Variants in SHPRH observed in about 807,000 individuals in gnomAD.
SHPRH encodes the protein SNF2 histone linker PHD RING helicase, also known as E3 ubiquitin-protein ligase SHPRH.
A neutral mutation model predicts 202.5 loss-of-function variants in SHPRH; 106 were observed. The ratio of observed to expected loss-of-function variants is 0.52; its 90% CI spans 0.45 to 0.62. The LOEUF (loss-of-function observed/expected upper bound fraction) is 0.62, where lower values mean the gene tolerates loss of function less well. Among genes scored for constraint, SHPRH ranks in the 20% least tolerant of loss-of-function variants. The probability of loss-of-function intolerance (pLI) is 0.00; values close to 1 mark genes in which losing one functional copy is unlikely to be tolerated. For missense variants in SHPRH, 1,710 were observed against 2,020.0 expected, an observed-to-expected ratio of 0.85 and a Z score of 2.94; for synonymous variants, 729 against 686.0, an observed-to-expected ratio of 1.06 and a Z score of -0.98.
Position 145,901,199 on chromosome 6 carries a change from C to T in SHPRH, c.4516-6222G>A, listed in dbSNP as rs181710012. 1.7e-3 allele frequency among the ~76,000 whole-genome samples: 259 copies of T among 152,100 alleles called. 2 individuals carry two copies. The highest frequency in any genetic ancestry group is 1.1e-3 in the Non-Finnish European group (76 of 67,992). ...TCTCCAAATACATAACACTCTAACG[C>T]GTGTTGCAGAATATGGAGAAAAACA... On this transcript the variant is annotated intron_variant, in intron 25 of 29. Transcript: ENST00000275233.
At chr6:145,910,991 G>A (rs1783441586) in intron 24 of SHPRH, among the ~76,000 whole-genome samples, 1 of 152,008 alleles carries the variant, frequency 6.6e-6, no homozygotes, top group South Asian at 2.1e-4. Flanking sequence ...TACTCGATAT[G>A]TTCCATTTAA....
intron 13 of SHPRH, among the ~76,000 whole-genome samples, chr6:145,934,394 A>AGGC (rs1219033944): frequency 6.7e-6 from 1 of 148,698 alleles, no homozygotes; most frequent in African/African-American, 2.5e-5. Flanking sequence ...GGAACCCAGG[A>AGGC]GGCAGAGATT....
intron 21 of SHPRH, among the ~76,000 whole-genome samples, chr6:145,920,771 A>G (rs1443756069): frequency 6.6e-6 from 1 of 152,122 alleles, no homozygotes; most frequent in African/African-American, 2.4e-5. Context: ...CCAAACTTAT[A>G]GGATAAGAAG....
chr6:145,919,621 A>G, intron 21 of SHPRH, 130 bp from the exon 22 acceptor site: 1 of 1,033,084 alleles, frequency 9.7e-7, no homozygotes, highest in Non-Finnish European at 1.4e-6. Flanking sequence ...CTAACGTACA[A>G]GTAGTTCCTG....
At chr6:145,897,232 T>C (rs1251843288) in intron 25 of SHPRH, among the ~76,000 whole-genome samples, 1 of 151,866 alleles carries the variant, frequency 6.6e-6, no homozygotes, top group Non-Finnish European at 1.5e-5. Context: ...ACCACAGAAA[T>C]ACAGAGAATC....
At chr6:145,927,669 A>C (rs1284079984) in intron 14 of SHPRH, among the ~76,000 whole-genome samples, 1 of 151,850 alleles carries the variant, frequency 6.6e-6, no homozygotes, top group Non-Finnish European at 1.5e-5. Context: ...TTAAGGATAA[A>C]CTTAAGGTAA....
Position 145,935,017 on chromosome 6 carries a change from G to A in SHPRH, c.2880C>T (p.Ser960=). ...AGGTGACAGTCCTTCTGTCTAGGCT[G>A]CTGAGCTTCAGAGCCCAGTCAGAAA... The part of the protein sequence containing the change: ...RKISDWALKL[S]SLDRRTVTSI... The change falls in exon 13 of 30, where the codon AGC becomes AGT. Residue 960 remains serine, a synonymous_variant. Coordinates refer to ENST00000275233, the MANE Select transcript of SHPRH (RefSeq NM_001042683.3). 2 of 1,614,010 alleles carry A rather than the reference G, an allele frequency of 1.2e-6. No individual in the cohort carries two copies. The highest frequency in any genetic ancestry group is 1.7e-6 in the Non-Finnish European group (2 of 1,179,998).
At chr6:145,909,009 T>C (rs1783233051) in intron 25 of SHPRH, 1 of 152,180 alleles carries the variant, frequency 6.6e-6, no homozygotes, top group African/African-American at 2.4e-5. Context: ...AATAGGATCC[T>C]TTCCCCATTG....
rs757308341 is a variant in SHPRH, at chr6:145,927,196, G to C, written c.3194C>G (p.Ser1065Ter). 6.2e-7 allele frequency: 1 copy of C among 1,611,428 alleles called. No individual in the cohort carries two copies. The highest frequency in any genetic ancestry group is 1.1e-5 in the South Asian group (1 of 90,982). The change falls in exon 15 of 30, where the codon TCA becomes TGA. Residue 1065 changes from serine (S) to a stop codon, truncating the protein, a stop_gained. Transcript: ENST00000275233. LOFTEE classifies it high-confidence loss of function. The stretch of plus-strand genomic sequence containing the variant: ...TGTTTAGTCTTTACTTACTTGAAGT[G>C]AATCAGTTTTGAGTTTTCCTTTGTG... ...EEHKGKLKTD[S>*]LQRLHATHNL...
intron 13 of SHPRH, among the ~76,000 whole-genome samples, chr6:145,934,332 G>A (rs192142683): frequency 8.9e-4 from 136 of 152,092 alleles, no homozygotes; most frequent in Admixed American, 1.7e-3. Context: ...CAGGCTTGGT[G>A]GCACATGTCT....
chr6:145,925,760 G>A (rs1364088437), intron 16 of SHPRH, among the ~76,000 whole-genome samples: 3 of 151,728 alleles, frequency 2.0e-5, no homozygotes, highest in Non-Finnish European at 4.4e-5. Context: ...AAAAAGAGGC[G>A]ACACTTTTTG....
At chr6:145,873,000 A>G (rs1780123130) in intron 2 of SHPRH, among the ~76,000 whole-genome samples, 1 of 152,198 alleles carries the variant, frequency 6.6e-6, no homozygotes, top group South Asian at 2.1e-4. Context: ...ACATGGACAC[A>G]TGGCGGGGAA....
chr6:145,867,841 C>T (rs543331019), intron 2 of SHPRH, among the ~76,000 whole-genome samples: 3 of 151,746 alleles, frequency 2.0e-5, no homozygotes, highest in South Asian at 2.1e-4. Flanking sequence ...TTAATTCCTG[C>T]GGTTCTAAGC....
At position 145,946,238 on chromosome 6, in the gene SHPRH, C is replaced by T; in HGVS notation, c.1316G>A (p.Cys439Tyr). 1 of 1,606,712 alleles carries T rather than the reference C, an allele frequency of 6.2e-7. No individual in the cohort carries two copies. Among genetic ancestry groups the T allele is most frequent in the East Asian group, 2.2e-5 (1 of 44,492 alleles). Residue 439 changes from cysteine (C) to tyrosine (Y), a missense_variant, in exon 7 of 30, where the codon TGC becomes TAC. Coordinates refer to ENST00000275233, the MANE Select transcript of SHPRH (RefSeq NM_001042683.3). ...TTAAGAGATGTCTTACTTACGAGGGCATTGAACTTTTTCTTTTGGTTCAAA... is the reference window on the plus strand; with the variant it reads ...TTAAGAGATGTCTTACTTACGAGGGTATTGAACTTTTTCTTTTGGTTCAAA... ...IEFEPKEKVQCPPTRVMILTA... is the reference protein window; with the variant it reads ...IEFEPKEKVQYPPTRVMILTA...
At chr6:145,894,688 T>C (rs1781859056) in intron 26 of SHPRH, among the ~76,000 whole-genome samples, 197 bp downstream of exon 26, 1 of 152,052 alleles carries the variant, frequency 6.6e-6, no homozygotes, top group South Asian at 2.1e-4. Context: ...TCATGAAATA[T>C]AGCTATACAA....
intron 25 of SHPRH, among the ~76,000 whole-genome samples, chr6:145,897,943 T>C (rs1043279878): frequency 6.6e-6 from 1 of 152,178 alleles, no homozygotes; most frequent in Non-Finnish European, 1.5e-5. Context: ...AGCTTTTCCT[T>C]TAAGATCAGC....
chr6:145,944,703 CTTG>C (rs1367924489), intron 8 of SHPRH, among the ~76,000 whole-genome samples: 3 of 151,962 alleles, frequency 2.0e-5, no homozygotes, highest in Non-Finnish European at 2.9e-5. Flanking sequence ...CACATTTTGA[CTTG>C]TTGTCATTAA....
At chr6:145,908,454 A>C (rs779783213) in intron 25 of SHPRH, 1 of 152,152 alleles carries the variant, frequency 6.6e-6, no homozygotes, top group Non-Finnish European at 1.5e-5. Context: ...AATAATCGCC[A>C]TTCTGACTGG....
rs1780880799 is a variant in SHPRH, at chr6:145,885,062, A to G, written c.*1629T>C. ...ATCTCAGCATGACATGTTATTAGTA[A>G]AAGAATGTAAGATATGGAGTCAGGG... On this transcript the variant is annotated 3_prime_UTR_variant, in exon 30 of 30. Coordinates refer to ENST00000275233, the MANE Select transcript of SHPRH (RefSeq NM_001042683.3). 1 of 152,184 alleles carries G rather than the reference A, an allele frequency of 6.6e-6. No individual in the cohort carries two copies. The highest frequency in any genetic ancestry group is 1.5e-5 in the Non-Finnish European group (1 of 68,022). 9.4% of individuals were successfully genotyped at this position (152,184 alleles called of 1,614,324 possible).
Sources: allele counts gnomAD v4.1 joint callset (sites outside exome capture counted in the v4.1 genomes callset), GRCh38; gene constraint gnomAD v4.1.1; transcripts MANE v1.5; gene names NCBI Gene and HGNC (gene_info 2026-07-23, HGNC 2026-07-21).